Variants in MMRN2 observed in about 807,000 individuals in gnomAD.
MMRN2 encodes the protein multimerin 2.
A neutral mutation model predicts 68.8 loss-of-function variants in MMRN2; 53 were observed. The ratio of observed to expected loss-of-function variants is 0.77; its 90% confidence interval spans 0.62 to 0.97. MMRN2 has a LOEUF of 0.97. Among genes scored for constraint, MMRN2 ranks in the 50% least tolerant of loss-of-function variants. The probability of loss-of-function intolerance (pLI) is 0.00; values close to 1 mark genes in which losing one functional copy is unlikely to be tolerated. For synonymous variants in MMRN2, 564 were observed against 551.6 expected (o/e 1.02, Z -0.32); for missense variants, 1,266 against 1,259.5 (o/e 1.01, Z -0.08).
intron 1 of MMRN2, among the ~76,000 whole-genome samples, chr10:86,950,064 A>G (rs1844126134): frequency 6.8e-6 from 1 of 147,838 alleles, no homozygotes; most frequent in African/African-American, 2.5e-5. Flanking sequence ...TAATAAAAAG[A>G]GGCCGGGTAC....
In MMRN2 at chr10:86,942,383, G is replaced by T. The variant is rs1843985171; in HGVS notation, c.2401C>A (p.Pro801Thr). Residue 801 changes from proline (P) to threonine (T), a missense_variant, in exon 6 of 7, where the codon CCT (proline) becomes ACT (threonine). Pro to Thr is a conservative substitution (Grantham distance 38). Coordinates refer to ENST00000372027, the MANE Select transcript of MMRN2 (RefSeq NM_024756.3). ...CCTGTGACCCGTATGTCCACCAAAG[G>T]CTCCGCTTCCTTCTTGTCCCTCTTC... Reference protein sequence around the residue: ...PRKRDKKEAEPLVDIRVTGPV... With the variant: ...PRKRDKKEAETLVDIRVTGPV... The T allele has an allele frequency of 1.9e-6, 3 of 1,614,140 alleles. No homozygotes were observed. The highest frequency in any genetic ancestry group is 2.5e-6 in the Non-Finnish European group (3 of 1,180,010).
chr10:86,947,557 G>C (rs1844087034), intron 1 of MMRN2, among the ~76,000 whole-genome samples: 1 of 151,918 alleles, frequency 6.6e-6, no homozygotes, highest in Non-Finnish European at 1.5e-5. Flanking sequence ...ATTTTTAGTA[G>C]AGACGGGGTT....
rs777969805 is a variant in MMRN2 at position 86,943,500 on chromosome 10, C to G, written c.1284G>C (p.Lys428Asn). The G allele has an allele frequency of 2.5e-6, 4 of 1,614,134 alleles. No individual in the cohort carries two copies. Among genetic ancestry groups the G allele is most frequent in the Non-Finnish European group, 3.4e-6 (4 of 1,180,058 alleles). ...GCAGCTCCTCCACCTGCCGCTCCAC[C>G]TTGCTAATCTGATCGAAAGTCTCGT... Reference protein sequence around the residue: ...ESDETFDQISKVERQVEELQV... With the variant: ...ESDETFDQISNVERQVEELQV... The change falls in exon 6 of 7, where the codon AAG becomes AAC. Residue 428 changes from lysine (K) to asparagine (N), a missense_variant. By Grantham distance (94) the Lys-to-Asn change is moderately conservative. Transcript: ENST00000372027. The surrounding 1 kb of genome is among the most constrained non-coding windows in gnomAD (Gnocchi z 4.2).
rs1844054467 is a variant in MMRN2, at chr10:86,945,549, TC to T, written c.293+11del. Reference sequence around the variant, plus strand: ...CCAGGCCTGGGCAAATGGCCCACCCTCCCCTACTCACATGACTTTGACTTTC... The same window carrying T: ...CCAGGCCTGGGCAAATGGCCCACCCTCCCTACTCACATGACTTTGACTTTC... On this transcript the variant is annotated intron_variant, in intron 2 of 6. Coordinates refer to ENST00000372027, the MANE Select transcript of MMRN2 (RefSeq NM_024756.3). The T allele has an allele frequency of 1.3e-6, 2 of 1,579,838 alleles. No individual in the cohort carries two copies. Among genetic ancestry groups the T allele is most frequent in the Non-Finnish European group, 1.7e-6 (2 of 1,162,142 alleles).
intron 3 of MMRN2, 21 bp downstream of exon 3, chr10:86,945,348 AG>A (rs1312492044): frequency 1.9e-6 from 3 of 1,601,706 alleles, no homozygotes; most frequent in Admixed American, 3.4e-5. Flanking sequence ...CAAGGGGGGA[AG>A]GGGGCCGCAG....
At chr10:86,945,919 C>CTGCTGGCTCGGGGAGGCTT in intron 1 of MMRN2, 1 of 1,254,756 alleles carries the variant, frequency 8.0e-7, no homozygotes, top group Non-Finnish European at 1.1e-6. Flanking sequence ...CGAAGCCTCC[C>CTGCTGGCTCGGGGAGGCTT]CGAGCCAGCA....
chr10:86,949,874 T>TAAA (rs1844122767), intron 1 of MMRN2: 1 of 116,490 alleles, frequency 8.6e-6, no homozygotes, highest in Non-Finnish European at 1.7e-5. Flanking sequence ...AGACTCCGTC[T>TAAA]CAATAATAAT....
rs576343946 is a variant in MMRN2 at position 86,935,594 on chromosome 10, A to C, written c.*1149T>G. On this transcript the variant is annotated 3_prime_UTR_variant, in exon 7 of 7. Transcript: ENST00000372027. ...GATCATTAGTGAGGGGGATTTTTAC[A>C]GTCTTCTTTCCCTCCTCCCTCAGCT... 1 of 152,188 alleles carries C rather than the reference A, an allele frequency of 6.6e-6. No individual in the cohort carries two copies. The highest frequency in any genetic ancestry group is 1.5e-5 in the Non-Finnish European group (1 of 68,036). The allele number at this position is 152,188 out of a possible 1,614,324, so 9.4% of individuals were successfully genotyped here. A position where few individuals can be genotyped will look rare whatever the true frequency, so the allele number is the denominator to read the frequency against.
rs1843995569 is a variant in MMRN2 at position 86,942,830 on chromosome 10, C to T, written c.1954G>A (p.Ala652Thr). 3 of 1,371,824 alleles carry T rather than the reference C, an allele frequency of 2.2e-6. No homozygotes were observed. Among genetic ancestry groups the T allele is most frequent in the African/African-American group, 1.5e-5 (1 of 65,510 alleles). 85.0% of individuals were successfully genotyped at this position (1,371,824 alleles called of 1,614,324 possible). The change falls in exon 6 of 7, where the codon GCG becomes ACG. Residue 652 changes from alanine (A) to threonine (T), a missense_variant. By Grantham distance (58) the Ala-to-Thr change is moderately conservative (BLOSUM62 0). Transcript: ENST00000372027. ...QDAASGLQEQ[A>T]LGWDELAARV... Reference sequence around the variant, plus strand: ...GCGGCCAGCTCGTCCCAGCCGAGCGCCTGCTCCTGCAGCCCGCTAGCGGCG... The same window carrying T: ...GCGGCCAGCTCGTCCCAGCCGAGCGTCTGCTCCTGCAGCCCGCTAGCGGCG...
At position 86,957,600 on chromosome 10, in the gene MMRN2, C is replaced by T; in HGVS notation, c.-59G>A. 2 of 1,521,480 alleles carry T rather than the reference C, an allele frequency of 1.3e-6. No homozygotes were observed. The highest frequency in any genetic ancestry group is 1.8e-6 in the Non-Finnish European group (2 of 1,132,702). 94.2% of individuals were successfully genotyped at this position (1,521,480 alleles called of 1,614,324 possible). A position where few individuals can be genotyped will look rare whatever the true frequency, so the allele number is the denominator to read the frequency against. On this transcript the variant is annotated 5_prime_UTR_variant, in exon 1 of 7. Transcript: ENST00000372027. Reference sequence around the variant, plus strand: ...CCTTGGCAAGTAGCTCCAGAAACTGCTAGTGACGTTGTCTTCAAGTTAAAT... The same window carrying T: ...CCTTGGCAAGTAGCTCCAGAAACTGTTAGTGACGTTGTCTTCAAGTTAAAT...
rs763344187 is a variant in MMRN2, at chr10:86,944,437, T to TC, written c.482-3_482-2insG. 6.2e-7 allele frequency: 1 copy of TC among 1,613,376 alleles called. No homozygotes were observed. Among genetic ancestry groups the TC allele is most frequent in the African/African-American group, 1.3e-5 (1 of 75,012 alleles). ...CATTGATCACTGCAGCAAGGTGGCC[T>TC]AAATACACAGCAGACATAAATGTCA... On this transcript the variant is annotated splice_polypyrimidine_tract_variant and splice_region_variant and intron_variant, in intron 4 of 6. Transcript: ENST00000372027.
chr10:86,953,585 G>A (rs984906019), intron 1 of MMRN2, among the ~76,000 whole-genome samples: 13 of 152,154 alleles, frequency 8.5e-5, no homozygotes, highest in Non-Finnish European at 1.5e-4. Flanking sequence ...GCATTGTCAC[G>A]ACTGGGTGGT....
intron 1 of MMRN2, among the ~76,000 whole-genome samples, chr10:86,953,303 A>T (rs555422848): frequency 6.6e-6 from 1 of 152,352 alleles, no homozygotes; most frequent in South Asian, 2.1e-4. Flanking sequence ...ATTATTAGGG[A>T]AGTGATAAAT....
chr10:86,942,209 A>T, intron 6 of MMRN2, 108 bp downstream of exon 6: 1 of 1,329,988 alleles, frequency 7.5e-7, no homozygotes, highest in Non-Finnish European at 1.0e-6. Context: ...GGGGTGACGG[A>T]TGGCCATCCT....
chr10:86,948,426 C>G (rs10887675), intron 1 of MMRN2, among the ~76,000 whole-genome samples: 63,568 of 151,436 alleles, frequency 0.42, 13,502 homozygotes, highest in African/African-American at 0.47. Context: ...GGAGAGGAAG[C>G]GTGAGCATTC....
In MMRN2 at chr10:86,942,976, G is replaced by A. The variant is rs1309128026; in HGVS notation, c.1808C>T (p.Ala603Val). 11 of 1,483,288 alleles carry A rather than the reference G, an allele frequency of 7.4e-6. No homozygotes were observed. The highest frequency in any genetic ancestry group is 9.8e-6 in the Non-Finnish European group (11 of 1,117,762). The allele number at this position is 1,483,288 out of a possible 1,614,324, so 91.9% of individuals were successfully genotyped here. Residue 603 changes from alanine (A) to valine (V), a missense_variant, in exon 6 of 7, where the codon GCG becomes GTG. Ala to Val is a moderately conservative substitution (Grantham distance 64). Coordinates refer to ENST00000372027, the MANE Select transcript of MMRN2 (RefSeq NM_024756.3). ...GGCCAGCACCGCCTCGTGCCGCAGC[G>A]CGTCCTCCAGCAGGGCGGCGAAGGC... is the stretch of plus-strand genomic sequence containing the variant. ...HSAFAALLED[A>V]LRHEAVLAAL...
chr10:86,950,190 C>A (rs1019727294), intron 1 of MMRN2, among the ~76,000 whole-genome samples: 1 of 151,876 alleles, frequency 6.6e-6, no homozygotes, highest in Non-Finnish European at 1.5e-5. Flanking sequence ...ACTAAAAATA[C>A]AAAAAATTAT....
Position 86,936,379 on chromosome 10 carries a change from G to A in MMRN2, c.*364C>T, listed in dbSNP as rs978110223. ...GAAGAGAAGAGGAAGCAAGAGAAAA[G>A]TTTAAAGTGTTGTACAGAAGTTTCC... On this transcript the variant is annotated 3_prime_UTR_variant, in exon 7 of 7. Coordinates refer to ENST00000372027, the MANE Select transcript of MMRN2 (RefSeq NM_024756.3). 55 of 442,198 alleles carry A rather than the reference G, an allele frequency of 1.2e-4. No individual in the cohort carries two copies. The highest frequency in any genetic ancestry group is 2.0e-4 in the Non-Finnish European group (51 of 251,902). 27.4% of individuals were successfully genotyped at this position (442,198 alleles called of 1,614,324 possible).
rs142141038 is a variant in MMRN2, at chr10:86,951,716, A to T, written c.164+5662T>A. 4.3e-3 allele frequency among the ~76,000 whole-genome samples: 647 copies of T among 152,036 alleles called. 4 individuals carry two copies. The highest frequency in any genetic ancestry group is 6.1e-3 in the Non-Finnish European group (413 of 67,962). On this transcript the variant is annotated intron_variant, in intron 1 of 6. Coordinates refer to ENST00000372027, the MANE Select transcript of MMRN2 (RefSeq NM_024756.3). ...AAAAATGAAACTTAAAAAAAAAATC[A>T]TTTTCATCAGGAAGAGAAAATGCAG...
Sources: allele counts gnomAD v4.1 joint callset (sites outside exome capture counted in the v4.1 genomes callset), GRCh38; gene constraint gnomAD v4.1.1; non-coding constraint Gnocchi (gnomAD v3.1); transcripts MANE v1.5; gene names NCBI Gene and HGNC (gene_info 2026-07-23, HGNC 2026-07-21).